TEX11: variants seen among roughly 807,000 people sequenced by gnomAD.
TEX11 encodes testis expressed 11, also known as testis-expressed protein 11.
A neutral mutation model predicts 84.4 loss-of-function variants in TEX11; 7 were observed. That is an observed-to-expected ratio of 0.08 (90% CI 0.05 to 0.16). The LOEUF (loss-of-function observed/expected upper bound fraction) is 0.16. Among genes scored for constraint, TEX11 ranks in the 10% least tolerant of loss-of-function variants. TEX11 has a pLI of 1.00. For missense variants in TEX11, 551 were observed against 660.5 expected, an observed-to-expected ratio of 0.83 and a Z score of 1.82; for synonymous variants, 264 against 222.8, an observed-to-expected ratio of 1.18 and a Z score of -1.64.
chrX:70,573,029 A>G (rs1482376492), intron 25 of TEX11, among the ~76,000 whole-genome samples: 1 of 111,878 alleles, frequency 8.9e-6, no homozygotes, highest in Admixed American at 9.5e-5. Context: ...AAATTTCCAG[A>G]TTCACATTTG....
chrX:70,708,303 T>C (rs1395612389), intron 13 of TEX11, among the ~76,000 whole-genome samples: 1 of 111,473 alleles, frequency 9.0e-6, no homozygotes, highest in Non-Finnish European at 1.9e-5. Context: ...AAACAACAGA[T>C]GCTGGAGAGG....
chrX:70,642,043 G>A (rs2089667132), intron 17 of TEX11, among the ~76,000 whole-genome samples: 1 of 110,276 alleles, frequency 9.1e-6, no homozygotes, highest in Admixed American at 9.7e-5. Flanking sequence ...AAGAAAAAAA[G>A]AGAGAAGAAT....
intron 8 of TEX11, among the ~76,000 whole-genome samples, chrX:70,827,469 G>C (rs2091353246): frequency 9.0e-6 from 1 of 111,443 alleles, no homozygotes; most frequent in Non-Finnish European, 1.9e-5. Context: ...TAGCCTCTTG[G>C]ACAGTATTTC....
intron 18 of TEX11, among the ~76,000 whole-genome samples, chrX:70,627,067 G>A (rs191019658): frequency 8.9e-6 from 1 of 112,448 alleles, no homozygotes; most frequent in African/African-American, 3.2e-5. Context: ...AATACAATGA[G>A]GACTGAGAAT....
At chrX:70,828,717 G>A (rs1158377772) in intron 8 of TEX11, among the ~76,000 whole-genome samples, 1 of 111,107 alleles carries the variant, frequency 9.0e-6, no homozygotes, top group Non-Finnish European at 1.9e-5. Context: ...CCTGGAGAAA[G>A]ATATCAACAT....
At chrX:70,573,008 A>G (rs35574938) in intron 25 of TEX11, among the ~76,000 whole-genome samples, 14,501 of 111,380 alleles carry the variant, frequency 0.13, 766 homozygotes, top group Middle Eastern at 0.2. Context: ...TAATAAATAA[A>G]TAAATAAATA....
At position 70,785,555 on chromosome X, in the gene TEX11, T is replaced by G. The variant is rs180925848; in HGVS notation, c.692+21150A>C. Among the ~76,000 whole-genome samples the G allele has an allele frequency of 7.4e-3, 823 of 111,683 alleles. 3 individuals are homozygous for G. Among genetic ancestry groups the G allele is most frequent in the African/African-American group, 0.026 (803 of 30,724 alleles). On this transcript the variant is annotated intron_variant, in intron 9 of 29. Transcript: ENST00000374333. Reference sequence around the variant, plus strand: ...CAACCTACAAAATGGGAGAAAATTTTCACAACCTACTCATCTGACAAAGGG... The same window carrying G: ...CAACCTACAAAATGGGAGAAAATTTGCACAACCTACTCATCTGACAAAGGG...
intron 5 of TEX11, among the ~76,000 whole-genome samples, chrX:70,859,521 G>A (rs1037802719): frequency 8.2e-5 from 8 of 97,448 alleles, no homozygotes; most frequent in Non-Finnish European, 6.1e-5. Context: ...GGTGGAGGCT[G>A]CAGTGAGCCG....
intron 25 of TEX11, among the ~76,000 whole-genome samples, chrX:70,560,987 A>G (rs1246062023): frequency 5.3e-5 from 5 of 94,486 alleles, no homozygotes; most frequent in Non-Finnish European, 1.0e-4. Flanking sequence ...GGGCTCAACC[A>G]ATCCTCCCAC....
rs187664375 is a variant in TEX11 at position 70,532,243 on chromosome X, A to G, written c.2521-2244T>C. ...CAGGGTATGTGGAACGTTTGCTAAC[A>G]TCTTGTGGGCTGGAGTGTTAAGGGT... On this transcript the variant is annotated intron_variant, in intron 28 of 29. Coordinates refer to ENST00000374333, the MANE Select transcript of TEX11 (RefSeq NM_031276.3). Among the ~76,000 whole-genome samples the G allele has an allele frequency of 2.0e-3, 223 of 112,377 alleles. 1 individual carries two copies. Among genetic ancestry groups the G allele is most frequent in the Non-Finnish European group, 1.6e-3 (86 of 53,292 alleles).
At chrX:70,559,959 A>G (rs2088341356) in intron 25 of TEX11, among the ~76,000 whole-genome samples, 1 of 111,234 alleles carries the variant, frequency 9.0e-6, no homozygotes, top group Non-Finnish European at 1.9e-5. Flanking sequence ...TGTACCAATT[A>G]CATTTCCACT....
chrX:70,575,516 C>T (rs2088661728), intron 25 of TEX11, among the ~76,000 whole-genome samples: 1 of 111,686 alleles, frequency 9.0e-6, no homozygotes, highest in Admixed American at 9.5e-5. Context: ...CACTTTCCTC[C>T]CTGTGAAGAC....
At chrX:70,885,029 G>GGAGA (rs1183781509) in intron 2 of TEX11, among the ~76,000 whole-genome samples, 1 of 111,045 alleles carries the variant, frequency 9.0e-6, no homozygotes, top group Non-Finnish European at 1.9e-5. Context: ...GGGGAGAATG[G>GGAGA]GAGACAGTGG....
At position 70,750,933 on chromosome X, in the gene TEX11, AATATAT is replaced by A. The variant is rs1169707708; in HGVS notation, c.693-6720_693-6715del. Among the ~76,000 whole-genome samples the A allele has an allele frequency of 3.1e-3, 87 of 28,196 alleles. 6 individuals carry two copies. Among genetic ancestry groups the A allele is most frequent in the South Asian group, 0.023 (9 of 398 alleles). 24.5% of individuals were successfully genotyped at this position (28,196 alleles called of 115,157 possible). ...ACTTAAAGTATAATAAAAAAAAAAA[AATATAT>A]ATATATATATATATATATATATATA... On this transcript the variant is annotated intron_variant, in intron 9 of 29. Coordinates refer to ENST00000374333, the MANE Select transcript of TEX11 (RefSeq NM_031276.3).
chrX:70,565,572 A>T (rs2088455685), intron 25 of TEX11, among the ~76,000 whole-genome samples: 1 of 110,904 alleles, frequency 9.0e-6, no homozygotes, highest in African/African-American at 3.3e-5. Flanking sequence ...TCGTGAATTG[A>T]TTTTTGTATA....
chrX:70,853,065 T>A lies in TEX11; in HGVS notation c.494A>T (p.His165Leu), dbSNP rs1489381711. The change falls in exon 7 of 30, where the codon CAC becomes CTC. Residue 165 changes from histidine (H) to leucine (L), a missense_variant. Physicochemically the swap from His to Leu is moderately conservative, Grantham distance 99 (BLOSUM62 -3). Transcript: ENST00000374333. Reference protein sequence around the residue: ...TMEKITVESDHFRVLSYQAES... With the variant: ...TMEKITVESDLFRVLSYQAES... Reference sequence around the variant, plus strand: ...TGCTTGGTAAGAAAGCACTCTGAAGTGGTCACTCTCAACAGTAATCTTCTC... The same window carrying A: ...TGCTTGGTAAGAAAGCACTCTGAAGAGGTCACTCTCAACAGTAATCTTCTC... 5.0e-6 allele frequency: 6 copies of A among 1,209,021 alleles called. No individual in the cohort carries two copies. The highest frequency in any genetic ancestry group is 6.7e-6 in the Non-Finnish European group (6 of 894,019).
At chrX:70,697,507 C>A (rs2090290377) in intron 13 of TEX11, among the ~76,000 whole-genome samples, 1 of 111,827 alleles carries the variant, frequency 8.9e-6, no homozygotes, top group Non-Finnish European at 1.9e-5. Flanking sequence ...TGTAAATGGG[C>A]TCAGTGTTAG....
chrX:70,700,654 T>C (rs945574679), intron 13 of TEX11, among the ~76,000 whole-genome samples: 8 of 111,515 alleles, frequency 7.2e-5, no homozygotes, highest in Non-Finnish European at 1.3e-4. Flanking sequence ...ACAAGGAATA[T>C]TCACATATCT....
At chrX:70,569,833 A>C (rs975325816) in intron 25 of TEX11, among the ~76,000 whole-genome samples, 1 of 111,118 alleles carries the variant, frequency 9.0e-6, no homozygotes, top group African/African-American at 3.3e-5. Context: ...GGTGCCTCCC[A>C]GTTAGGCTGC....
Sources: gnomAD v4.1 joint callset for allele counts (sites outside exome capture counted in the v4.1 genomes callset) on GRCh38, gnomAD v4.1.1 for gene constraint, MANE v1.5 for transcripts, NCBI Gene and HGNC (gene_info 2026-07-23, HGNC 2026-07-21) for gene names.